The following COL23A1 variants were observed in gnomAD, a reference collection of about 807,000 sequenced individuals.
COL23A1 encodes collagen type XXIII alpha 1 chain.
Under a neutral mutation model 99.3 loss-of-function variants are expected in COL23A1, and 97 were observed. The observed-to-expected ratio is 0.98, with a 90% CI of 0.83 to 1.16. COL23A1 has a LOEUF of 1.16. COL23A1 is among the 50% of genes most tolerant of loss of function. The pLI, the probability that COL23A1 is intolerant of heterozygous loss-of-function variation, is 0.00. For missense variants in COL23A1, 762 were observed against 757.4 expected (o/e 1.01, Z -0.07); for synonymous variants, 320 against 308.2 (o/e 1.04, Z -0.40).
chr5:178,319,599 G>C lies in COL23A1; in HGVS notation c.362-12680C>G, dbSNP rs10066744. Among the ~76,000 whole-genome samples the C allele has an allele frequency of 7.3e-3, 1,109 of 152,282 alleles. 17 individuals are homozygous for C. The highest frequency in any genetic ancestry group is 0.026 in the African/African-American group (1,064 of 41,564). On this transcript the variant is annotated intron_variant, in intron 2 of 28. Coordinates refer to ENST00000390654, the MANE Select transcript of COL23A1 (RefSeq NM_173465.4). ...AGAAGCTGGGCATGCAACATGCGCCGTCCGCTCCCAGCCGAGCTGACCCTT... is the reference window on the plus strand; with the variant it reads ...AGAAGCTGGGCATGCAACATGCGCCCTCCGCTCCCAGCCGAGCTGACCCTT...
chr5:178,470,944 T>C (rs899264096), intron 2 of COL23A1, among the ~76,000 whole-genome samples: 1 of 152,182 alleles, frequency 6.6e-6, no homozygotes, highest in South Asian at 2.1e-4. Context: ...ATTCCTTCCA[T>C]AGACTTACTG....
intron 2 of COL23A1, among the ~76,000 whole-genome samples, chr5:178,386,690 C>T (rs928366084): frequency 6.6e-6 from 1 of 152,116 alleles, no homozygotes; most frequent in Non-Finnish European, 1.5e-5. Flanking sequence ...GAAGCGTTAT[C>T]AGCGCAGAAG....
chr5:178,472,385 G>A (rs990225909), intron 2 of COL23A1, among the ~76,000 whole-genome samples: 5 of 152,152 alleles, frequency 3.3e-5, no homozygotes, highest in Admixed American at 6.5e-5. Context: ...GGTGTGGGGC[G>A]CACCTGGAGG....
chr5:178,525,875 A>G (rs1004058803), intron 2 of COL23A1, among the ~76,000 whole-genome samples: 3 of 152,290 alleles, frequency 2.0e-5, no homozygotes, highest in South Asian at 4.1e-4. Context: ...GGCCAGAAGC[A>G]CTGGAGAAGA....
At chr5:178,446,546 T>G (rs1006043141) in intron 2 of COL23A1, among the ~76,000 whole-genome samples, 1 of 152,064 alleles carries the variant, frequency 6.6e-6, no homozygotes, top group Non-Finnish European at 1.5e-5. Flanking sequence ...GAGAAAAAAT[T>G]TTTTTTCTAT....
chr5:178,321,182 C>T (rs1216041498), intron 2 of COL23A1, among the ~76,000 whole-genome samples: 1 of 152,196 alleles, frequency 6.6e-6, no homozygotes, highest in African/African-American at 2.4e-5. Flanking sequence ...CTTGAGTGGA[C>T]GGTTGAGCGG....
At chr5:178,267,178 A>G in intron 8 of COL23A1, 129 bp downstream of exon 8, 3 of 1,011,148 alleles carry the variant, frequency 3.0e-6, no homozygotes, top group Non-Finnish European at 4.6e-6. Flanking sequence ...ATGGGTGGGG[A>G]AGAGCCCTCT....
At chr5:178,358,721 GTGTA>G (rs1451317481) in intron 2 of COL23A1, among the ~76,000 whole-genome samples, 13 of 141,268 alleles carry the variant, frequency 9.2e-5, no homozygotes, top group South Asian at 2.3e-4. Flanking sequence ...ATGTGTGTAT[GTGTA>G]TGTGTGTATG....
intron 2 of COL23A1, among the ~76,000 whole-genome samples, chr5:178,450,336 G>A (rs554845904): frequency 6.6e-5 from 10 of 152,286 alleles, no homozygotes; most frequent in Admixed American, 2.6e-4. Flanking sequence ...TGCAGTTGGC[G>A]GAACAGATGG....
chr5:178,420,742 G>A, intron 2 of COL23A1, among the ~76,000 whole-genome samples: 1 of 138,074 alleles, frequency 7.2e-6, no homozygotes, highest in Non-Finnish European at 1.5e-5. Context: ...TACAGCACAA[G>A]GGGAATGTGG....
chr5:178,412,060 A>G (rs1048734742), intron 2 of COL23A1, among the ~76,000 whole-genome samples: 3 of 152,210 alleles, frequency 2.0e-5, no homozygotes, highest in Admixed American at 6.5e-5. Flanking sequence ...ACACTCATGA[A>G]TGTACGTGTA....
intron 2 of COL23A1, among the ~76,000 whole-genome samples, chr5:178,337,990 C>T (rs79750857): frequency 6.6e-6 from 1 of 152,098 alleles, no homozygotes; most frequent in African/African-American, 2.4e-5. Flanking sequence ...CACCCAGGCT[C>T]CTGACAACTC....
intron 2 of COL23A1, among the ~76,000 whole-genome samples, chr5:178,436,982 G>C (rs1164134981): frequency 6.6e-6 from 1 of 152,170 alleles, no homozygotes; most frequent in Non-Finnish European, 1.5e-5. Context: ...CTTGTTTCCT[G>C]GTGATCCCCC....
chr5:178,355,014 T>C (rs1452792062), intron 2 of COL23A1, among the ~76,000 whole-genome samples: 3 of 147,904 alleles, frequency 2.0e-5, no homozygotes, highest in Admixed American at 6.8e-5. Context: ...GTGGAGATCA[T>C]AGCACCGTAC....
intron 2 of COL23A1, among the ~76,000 whole-genome samples, chr5:178,333,096 T>C (rs1760123687): frequency 6.6e-6 from 1 of 152,116 alleles, no homozygotes; most frequent in Admixed American, 6.5e-5. Flanking sequence ...TAGCTGGGAC[T>C]ACAGGCGCCT....
chr5:178,470,366 G>A (rs956004383), intron 2 of COL23A1, among the ~76,000 whole-genome samples: 2 of 152,070 alleles, frequency 1.3e-5, no homozygotes, highest in Admixed American at 6.5e-5. Flanking sequence ...CCCATAAGCC[G>A]AGCAGACCCC....
chr5:178,538,014 T>A (rs1184604979), intron 2 of COL23A1, among the ~76,000 whole-genome samples: 1 of 152,240 alleles, frequency 6.6e-6, no homozygotes, highest in Admixed American at 6.5e-5. Context: ...GTCGAATTCA[T>A]CCACGTTTGC....
chr5:178,435,439 G>A (rs920595461), intron 2 of COL23A1, among the ~76,000 whole-genome samples: 1 of 152,060 alleles, frequency 6.6e-6, no homozygotes, highest in Non-Finnish European at 1.5e-5. Context: ...AAACCTGGGT[G>A]CGGAGCCCTG....
chr5:178,528,842 T>C (rs941942243), intron 2 of COL23A1, among the ~76,000 whole-genome samples: 13 of 152,182 alleles, frequency 8.5e-5, no homozygotes, highest in Non-Finnish European at 1.9e-4. Context: ...CCTCAATGCT[T>C]GCACTTCTCC....
Sources: allele counts gnomAD v4.1 joint callset (sites outside exome capture counted in the v4.1 genomes callset), GRCh38; gene constraint gnomAD v4.1.1; transcripts MANE v1.5; gene names NCBI Gene and HGNC (gene_info 2026-07-23, HGNC 2026-07-21).